The following SV2B variants were observed in gnomAD, a reference collection of about 807,000 sequenced individuals.
The protein encoded by SV2B is synaptic vesicle glycoprotein 2B.
A neutral mutation model predicts 73.9 loss-of-function variants in SV2B; 41 were observed. The ratio of observed to expected loss-of-function variants is 0.56; its 90% confidence interval spans 0.43 to 0.72. The LOEUF (loss-of-function observed/expected upper bound fraction) is 0.72. SV2B is among the 30% of genes least tolerant of loss of function. The probability of loss-of-function intolerance (pLI) is 0.00; values close to 1 mark genes in which losing one functional copy is unlikely to be tolerated. For missense variants in SV2B, 764 were observed against 857.8 expected (o/e 0.89, Z 1.37); for synonymous variants, 314 against 314.2 (o/e 1.00, Z 0.01).
intron 1 of SV2B, among the ~76,000 whole-genome samples, chr15:91,114,262 A>G (rs1354720677): frequency 6.6e-6 from 1 of 151,628 alleles, no homozygotes; most frequent in African/African-American, 2.4e-5. Flanking sequence ...TTAGAGGAAC[A>G]TGGAGAGGGT....
At chr15:91,154,259 C>T (rs1313712991) in intron 1 of SV2B, among the ~76,000 whole-genome samples, 1 of 151,692 alleles carries the variant, frequency 6.6e-6, no homozygotes, top group Admixed American at 6.6e-5. Flanking sequence ...CTGGTCTCAT[C>T]TCTGGAAAGA....
At chr15:91,185,815 G>A (rs894200157) in intron 1 of SV2B, among the ~76,000 whole-genome samples, 5 of 152,312 alleles carry the variant, frequency 3.3e-5, no homozygotes, top group Non-Finnish European at 7.4e-5. Flanking sequence ...AAGCACAGGA[G>A]AGTTCAGTAA....
At chr15:91,272,026 C>G (rs543942236) in intron 9 of SV2B, among the ~76,000 whole-genome samples, 2 of 152,154 alleles carry the variant, frequency 1.3e-5, no homozygotes, top group Non-Finnish European at 2.9e-5. Flanking sequence ...CTATTGAAAC[C>G]TCAGTTTCAT....
rs1039812255 is a variant in SV2B, at chr15:91,292,666, G to T, written c.*114G>T. ...CACCTTGGATAGCACGGGAGGAGAAGTTGACTTTGTGACCCCTAGTTTAGG... is the reference window on the plus strand; with the variant it reads ...CACCTTGGATAGCACGGGAGGAGAATTTGACTTTGTGACCCCTAGTTTAGG... On this transcript the variant is annotated 3_prime_UTR_variant, in exon 13 of 13. Coordinates refer to ENST00000394232, the MANE Select transcript of SV2B (RefSeq NM_001323032.3). 1 of 1,323,870 alleles carries T rather than the reference G, an allele frequency of 7.6e-7. No individual in the cohort carries two copies. The highest frequency in any genetic ancestry group is 2.5e-5 in the East Asian group (1 of 39,914). The allele number at this position is 1,323,870 out of a possible 1,614,324, so 82.0% of individuals were successfully genotyped here. A position where few individuals can be genotyped will look rare whatever the true frequency, so the allele number is the denominator to read the frequency against.
chr15:91,247,989 T>A lies in SV2B; in HGVS notation c.452-3830T>A, dbSNP rs144508297. On this transcript the variant is annotated intron_variant, in intron 2 of 12. Coordinates refer to ENST00000394232, the MANE Select transcript of SV2B (RefSeq NM_001323032.3). ...CGATTCTTTTTAAAGTCATTTATCA[T>A]AGTCGTACATATTTTGGAGCACCTG... is the stretch of plus-strand genomic sequence containing the variant. Among the ~76,000 whole-genome samples the A allele has an allele frequency of 2.1e-3, 320 of 152,312 alleles. 1 individual carries two copies. Among genetic ancestry groups the A allele is most frequent in the African/African-American group, 7.1e-3 (296 of 41,564 alleles).
intron 1 of SV2B, among the ~76,000 whole-genome samples, chr15:91,171,622 T>C (rs1341316869): frequency 6.6e-6 from 1 of 152,188 alleles, no homozygotes; most frequent in Non-Finnish European, 1.5e-5. Flanking sequence ...CCTACAGTCA[T>C]AAAACATACA....
At chr15:91,155,520 C>G (rs184901285) in intron 1 of SV2B, among the ~76,000 whole-genome samples, 1 of 152,316 alleles carries the variant, frequency 6.6e-6, no homozygotes, top group East Asian at 1.9e-4. Context: ...CTGGCCTCTT[C>G]TGGACCCCAA....
At chr15:91,102,718 T>C (rs879336762) in intron 1 of SV2B, among the ~76,000 whole-genome samples, 28 of 152,196 alleles carry the variant, frequency 1.8e-4, no homozygotes, top group Admixed American at 2.6e-4. Flanking sequence ...CTGAGAGGAC[T>C]GGGGAGTGCT....
chr15:91,255,872 T>C (rs754290234), intron 4 of SV2B, among the ~76,000 whole-genome samples: 1 of 152,224 alleles, frequency 6.6e-6, no homozygotes, highest in Non-Finnish European at 1.5e-5. Flanking sequence ...AGACATTTGA[T>C]GGTATTTTCC....
intron 1 of SV2B, among the ~76,000 whole-genome samples, chr15:91,135,839 C>T (rs1381106938): frequency 6.6e-6 from 1 of 152,164 alleles, no homozygotes; most frequent in East Asian, 1.9e-4. Flanking sequence ...TTTCACATGG[C>T]TAGCAGTTCA....
intron 2 of SV2B, among the ~76,000 whole-genome samples, chr15:91,228,820 T>G (rs1011865064): frequency 1.3e-5 from 2 of 152,158 alleles, no homozygotes; most frequent in African/African-American, 4.8e-5. Context: ...GTCAAGAAAA[T>G]GAGTGTCTAA....
intron 1 of SV2B, among the ~76,000 whole-genome samples, chr15:91,127,085 G>T (rs2042505866): frequency 6.6e-6 from 1 of 152,164 alleles, no homozygotes; most frequent in Admixed American, 6.5e-5. Flanking sequence ...ACCTCTCTAA[G>T]CTTGCCTTAG....
chr15:91,294,201 T>G lies in SV2B; in HGVS notation c.*1649T>G, dbSNP rs1242705880. On this transcript the variant is annotated 3_prime_UTR_variant, in exon 13 of 13. Coordinates refer to ENST00000394232, the MANE Select transcript of SV2B (RefSeq NM_001323032.3). The surrounding 1 kb of genome is among the most constrained non-coding windows in gnomAD (Gnocchi z 4.1). The stretch of plus-strand genomic sequence containing the variant: ...AGAATAATAATGGCTATATCGAGTG[T>G]TTTCTCAGTATTGGAGAAATGCTTA... 2.0e-5 allele frequency: 3 copies of G among 152,212 alleles called. No individual in the cohort carries two copies. The highest frequency in any genetic ancestry group is 7.2e-5 in the African/African-American group (3 of 41,444). The allele number at this position is 152,212 out of a possible 1,614,324, so 9.4% of individuals were successfully genotyped here. A position where few individuals can be genotyped will look rare whatever the true frequency, so the allele number is the denominator to read the frequency against.
intron 1 of SV2B, among the ~76,000 whole-genome samples, chr15:91,184,536 T>A (rs1418470451): frequency 1.3e-5 from 2 of 152,218 alleles, no homozygotes; most frequent in Admixed American, 6.5e-5. Flanking sequence ...CCCAAGGCCC[T>A]GCCATTGGAG....
At chr15:91,166,818 C>CTTTTCT (rs1389035919) in intron 1 of SV2B, among the ~76,000 whole-genome samples, 3 of 139,146 alleles carry the variant, frequency 2.2e-5, no homozygotes, top group African/African-American at 8.3e-5. Context: ...GTTTTCTTTT[C>CTTTTCT]TTTTTTTTTT....
rs1384827244 is a variant in SV2B, at chr15:91,123,908, C to G, written c.-392+23545C>G. 6.6e-6 allele frequency among the ~76,000 whole-genome samples: 1 copy of G among 152,192 alleles called. No homozygotes were observed. Among genetic ancestry groups the G allele is most frequent in the Non-Finnish European group, 1.5e-5 (1 of 68,018 alleles). On this transcript the variant is annotated intron_variant, in intron 1 of 12. Transcript: ENST00000394232. The surrounding 1 kb of genome is among the most constrained non-coding windows in gnomAD (Gnocchi z 4.7). ...CACTTGGTCTGTGTCCCAGGCATAT[C>G]TATAAATTACTCCCTTACCTAGAAA...
chr15:91,282,188 C>G (rs530613672), intron 10 of SV2B, among the ~76,000 whole-genome samples: 1 of 152,228 alleles, frequency 6.6e-6, no homozygotes, highest in African/African-American at 2.4e-5. Context: ...CAAATAACAA[C>G]TGGCATTCCA....
intron 9 of SV2B, among the ~76,000 whole-genome samples, chr15:91,269,591 G>A (rs1051118433): frequency 2.0e-5 from 3 of 152,196 alleles, no homozygotes; most frequent in African/African-American, 7.2e-5. Context: ...TGGTGTCTCA[G>A]TAAAGTCCCT....
At chr15:91,111,869 A>G (rs2042044547) in intron 1 of SV2B, among the ~76,000 whole-genome samples, 1 of 152,016 alleles carries the variant, frequency 6.6e-6, no homozygotes, top group African/African-American at 2.4e-5. Context: ...AGCAAGAGAG[A>G]GAGAGGGGAG....
Sources: allele counts gnomAD v4.1 joint callset (sites outside exome capture counted in the v4.1 genomes callset), GRCh38; gene constraint gnomAD v4.1.1; non-coding constraint Gnocchi (gnomAD v3.1); transcripts MANE v1.5; gene names NCBI Gene and HGNC (gene_info 2026-07-23, HGNC 2026-07-21).